The following PARD3B variants were observed in gnomAD, a reference collection of about 807,000 sequenced individuals.
PARD3B encodes the protein partitioning defective 3 homolog B.
In PARD3B, 103 loss-of-function variants were observed where a neutral mutation model predicts 130.2. The observed-to-expected ratio is 0.79, with a 90% CI of 0.67 to 0.93. The LOEUF is 0.93. PARD3B is among the 40% of genes least tolerant of loss of function. The pLI is 0.00. For missense variants in PARD3B, 1,609 were observed against 1,499.2 expected (o/e 1.07, Z -1.21); for synonymous variants, 583 against 553.2 (o/e 1.05, Z -0.76).
chr2:205,327,414 A>G (rs931259351), intron 18 of PARD3B, among the ~76,000 whole-genome samples: 5 of 152,216 alleles, frequency 3.3e-5, no homozygotes, highest in Non-Finnish European at 7.3e-5. Flanking sequence ...AGTGTTTACT[A>G]CTTTATAGGT....
intron 1 of PARD3B, among the ~76,000 whole-genome samples, chr2:204,609,429 G>A (rs751383037): frequency 3.3e-5 from 5 of 152,120 alleles, no homozygotes; most frequent in Non-Finnish European, 7.3e-5. Context: ...AGGTGGTCAG[G>A]TTATAGTTTG....
intron 2 of PARD3B, among the ~76,000 whole-genome samples, chr2:204,782,108 T>C (rs746051276): frequency 2.6e-5 from 4 of 152,090 alleles, no homozygotes; most frequent in Non-Finnish European, 5.9e-5. Context: ...TGTTAGGCTC[T>C]GGAATGGAGA....
At position 204,965,161 on chromosome 2, in the gene PARD3B, G is replaced by A. The variant is rs1372699616; in HGVS notation, c.232G>A (p.Val78Met). Residue 78 changes from valine to methionine, a missense_variant, in exon 3 of 23, where the codon GTG becomes ATG. By Grantham distance (21) the Val-to-Met change is conservative. Transcript: ENST00000406610. ...VVEDKDKLIA[V>M]FEEQEPLHKI... is the part of the protein sequence containing the mutation. ...TTGGATTTGTTTGTAGCTGATTGCT[G>A]TGTTTGAAGAACAAGAACCACTCCA... The A allele has an allele frequency of 6.2e-7, 1 of 1,613,276 alleles. No homozygotes were observed. Among genetic ancestry groups the A allele is most frequent in the South Asian group, 1.1e-5 (1 of 91,022 alleles).
chr2:205,208,339 A>G (rs1165037967), intron 15 of PARD3B, among the ~76,000 whole-genome samples: 4 of 120,000 alleles, frequency 3.3e-5, no homozygotes, highest in African/African-American at 1.4e-4. Flanking sequence ...CACCACTCCT[A>G]TTCAACATAG....
At chr2:204,640,145 T>C (rs1156594775) in intron 1 of PARD3B, among the ~76,000 whole-genome samples, 1 of 152,018 alleles carries the variant, frequency 6.6e-6, no homozygotes, top group African/African-American at 2.4e-5. Context: ...TCCCACATAC[T>C]TGGGAGGCTG....
At chr2:205,030,890 T>A (rs534852286) in intron 3 of PARD3B, among the ~76,000 whole-genome samples, 1 of 152,272 alleles carries the variant, frequency 6.6e-6, no homozygotes, top group South Asian at 2.1e-4. Flanking sequence ...TGCTAAGATA[T>A]GTTGCTTTTA....
intron 4 of PARD3B, among the ~76,000 whole-genome samples, chr2:205,079,985 A>G (rs1377532518): frequency 6.6e-6 from 1 of 152,160 alleles, no homozygotes; most frequent in Non-Finnish European, 1.5e-5. Flanking sequence ...AGAACTTTTC[A>G]GGTTCTTGCT....
At chr2:204,804,058 C>T (rs1433541076) in intron 2 of PARD3B, among the ~76,000 whole-genome samples, 1 of 151,994 alleles carries the variant, frequency 6.6e-6, no homozygotes, top group African/African-American at 2.4e-5. Flanking sequence ...CCAGAAAAAA[C>T]AACAACAACA....
At chr2:205,340,709 T>C (rs13009974) in intron 18 of PARD3B, among the ~76,000 whole-genome samples, 90,385 of 151,946 alleles carry the variant, frequency 0.59, 30,573 homozygotes, top group South Asian at 0.77. Context: ...GGCTAAGATA[T>C]CAAAAGCACA....
intron 21 of PARD3B, among the ~76,000 whole-genome samples, chr2:205,521,115 C>T (rs953554233): frequency 6.6e-6 from 1 of 151,534 alleles, no homozygotes; most frequent in Non-Finnish European, 1.5e-5. Context: ...TTCATTAATA[C>T]ACTGAACAAA....
chr2:205,423,897 A>G (rs904080627), intron 19 of PARD3B, among the ~76,000 whole-genome samples: 3 of 152,068 alleles, frequency 2.0e-5, no homozygotes, highest in African/African-American at 7.2e-5. Context: ...ATGAGAACAC[A>G]TAGAGGGGAA....
chr2:204,555,953 T>C (rs540872784), intron 1 of PARD3B, among the ~76,000 whole-genome samples: 4 of 152,310 alleles, frequency 2.6e-5, no homozygotes, highest in African/African-American at 9.6e-5. Flanking sequence ...CTACAGACCA[T>C]ATTCTTCCTA....
chr2:205,418,462 T>C (rs888920235), intron 19 of PARD3B, among the ~76,000 whole-genome samples: 1 of 152,100 alleles, frequency 6.6e-6, no homozygotes. Context: ...CTAATTATAA[T>C]AAAGCTAACT....
chr2:205,003,360 T>A (rs1192436183), intron 3 of PARD3B, among the ~76,000 whole-genome samples: 1 of 152,056 alleles, frequency 6.6e-6, no homozygotes, highest in African/African-American at 2.4e-5. Context: ...GAGATGGACT[T>A]TTTTGGGGGG....
intron 18 of PARD3B, among the ~76,000 whole-genome samples, chr2:205,381,048 AT>A (rs1559035552): frequency 0.018 from 1,271 of 69,650 alleles, 313 homozygotes; most frequent in African/African-American, 0.052. Context: ...AAGAATATAT[AT>A]TATATATAAA....
At chr2:204,870,275 A>G (rs2045581885) in intron 2 of PARD3B, among the ~76,000 whole-genome samples, 1 of 152,174 alleles carries the variant, frequency 6.6e-6, no homozygotes. Flanking sequence ...AATTAATTGG[A>G]TAACTACCAG....
intron 11 of PARD3B, among the ~76,000 whole-genome samples, chr2:205,171,163 TAGCAGC>T (rs559164476): frequency 6.6e-6 from 1 of 152,144 alleles, no homozygotes. Context: ...TTGACTTTAT[TAGCAGC>T]AGCAGCAGCA....
chr2:205,449,386 C>T (rs892110247), intron 20 of PARD3B, among the ~76,000 whole-genome samples: 9 of 151,544 alleles, frequency 5.9e-5, no homozygotes, highest in Non-Finnish European at 1.2e-4. Flanking sequence ...CCCGCCACCA[C>T]GCCCAGCTAA....
intron 13 of PARD3B, among the ~76,000 whole-genome samples, chr2:205,184,931 T>C (rs769624276): frequency 6.6e-6 from 1 of 152,162 alleles, no homozygotes; most frequent in Non-Finnish European, 1.5e-5. Flanking sequence ...ATGGCAGTCT[T>C]GCTCCAAAAA....
Sources: allele counts gnomAD v4.1 joint callset (sites outside exome capture counted in the v4.1 genomes callset), GRCh38; gene constraint gnomAD v4.1.1; transcripts MANE v1.5; gene names NCBI Gene and HGNC (gene_info 2026-07-23, HGNC 2026-07-21).